UBE2E1: variants seen among roughly 807,000 people sequenced by gnomAD.
The protein encoded by UBE2E1 is ubiquitin conjugating enzyme E2 E1, also known as ubiquitin-conjugating enzyme E2 E1.
A neutral mutation model predicts 21.4 loss-of-function variants in UBE2E1; 6 were observed. The observed-to-expected ratio is 0.28, with a 90% CI of 0.15 to 0.55. UBE2E1 has a LOEUF of 0.55. UBE2E1 is among the 20% of genes least tolerant of loss of function. The pLI is 0.93. For synonymous variants in UBE2E1, 87 were observed against 82.7 expected (o/e 1.05, Z -0.28); for missense variants, 142 against 236.5 (o/e 0.60, Z 2.62).
intron 3 of UBE2E1, among the ~76,000 whole-genome samples, chr3:23,815,030 C>T (rs1234666281): frequency 6.6e-6 from 1 of 152,128 alleles, no homozygotes; most frequent in Non-Finnish European, 1.5e-5. Flanking sequence ...CATTTTGTCA[C>T]CCAGGCTGGA....
intron 3 of UBE2E1, among the ~76,000 whole-genome samples, chr3:23,835,656 C>T (rs1699961521): frequency 6.6e-6 from 1 of 152,054 alleles, no homozygotes; most frequent in African/African-American, 2.4e-5. Flanking sequence ...TGGTAATTTC[C>T]AGGCTTTTAT....
At chr3:23,884,930 T>C (rs1028147325) in intron 3 of UBE2E1, among the ~76,000 whole-genome samples, 3 of 152,234 alleles carry the variant, frequency 2.0e-5, no homozygotes, top group Admixed American at 6.5e-5. Context: ...TATTTTCATA[T>C]ATAGTCCACT....
At chr3:23,847,140 G>A (rs527732142) in intron 3 of UBE2E1, among the ~76,000 whole-genome samples, 24 of 152,232 alleles carry the variant, frequency 1.6e-4, no homozygotes, top group African/African-American at 5.3e-4. Context: ...TCAGTAGGGC[G>A]ATCATATAAT....
intron 3 of UBE2E1, among the ~76,000 whole-genome samples, chr3:23,883,615 T>C (rs1218600193): frequency 6.6e-6 from 1 of 152,146 alleles, no homozygotes; most frequent in Non-Finnish European, 1.5e-5. Context: ...TTTAAGTGAC[T>C]ATCTAAAACT....
At chr3:23,846,407 G>A (rs4858548) in intron 3 of UBE2E1, among the ~76,000 whole-genome samples, 120,236 of 151,912 alleles carry the variant, frequency 0.79, 48,404 homozygotes, top group African/African-American at 0.92. Context: ...TCTTAAAAAA[G>A]AGAATGGGGC....
chr3:23,807,465 C>T (rs373140735), intron 2 of UBE2E1, 44 bp downstream of exon 2: 2 of 1,590,114 alleles, frequency 1.3e-6, no homozygotes, highest in South Asian at 2.3e-5. Context: ...TATTTCCGAA[C>T]TGCCTCTTGC....
At chr3:23,871,721 T>G (rs1313620417) in intron 3 of UBE2E1, among the ~76,000 whole-genome samples, 1 of 149,900 alleles carries the variant, frequency 6.7e-6, no homozygotes, top group Non-Finnish European at 1.5e-5. Flanking sequence ...GAGGTGCTCC[T>G]CACATCCCAG....
At position 23,826,658 on chromosome 3, in the gene UBE2E1, G is replaced by T. The variant is rs547807584; in HGVS notation, c.203+15148G>T. Reference sequence around the variant, plus strand: ...AGCCCCAAATCTGTGATATGACTATGGAGGGAGAATGCTTTCCAATTTTCT... The same window carrying T: ...AGCCCCAAATCTGTGATATGACTATTGAGGGAGAATGCTTTCCAATTTTCT... On this transcript the variant is annotated intron_variant, in intron 3 of 5. Coordinates refer to ENST00000306627, the MANE Select transcript of UBE2E1 (RefSeq NM_003341.5). Among the ~76,000 whole-genome samples the T allele has an allele frequency of 5.4e-4, 82 of 152,294 alleles. No individual in the cohort carries two copies. The South Asian group carries it at 0.017, about 31-fold the overall frequency.
At chr3:23,809,822 A>T (rs1699347353) in intron 2 of UBE2E1, among the ~76,000 whole-genome samples, 1 of 152,214 alleles carries the variant, frequency 6.6e-6, no homozygotes, top group African/African-American at 2.4e-5. Context: ...TCAGGAAACC[A>T]ATTTTCCAAA....
Position 23,870,889 on chromosome 3 carries a change from A to C in UBE2E1, c.204-16678A>C, listed in dbSNP as rs1700770313. Among the ~76,000 whole-genome samples the C allele has an allele frequency of 2.0e-5, 3 of 152,214 alleles. No individual in the cohort carries two copies. In the South Asian group the frequency reaches 6.2e-4, roughly 32 times the overall value. ...GGAGTGGTGATGATTCTTAACGAGC[A>C]TGCTGCCTTCAAGCATCTGTTTAAC... On this transcript the variant is annotated intron_variant, in intron 3 of 5. Coordinates refer to ENST00000306627, the MANE Select transcript of UBE2E1 (RefSeq NM_003341.5). This position sits in a 1 kb window ranked among gnomAD's most constrained non-coding sequence, Gnocchi z 4.2.
intron 3 of UBE2E1, among the ~76,000 whole-genome samples, chr3:23,868,000 A>G (rs747544524): frequency 4.6e-5 from 7 of 152,206 alleles, no homozygotes; most frequent in African/African-American, 1.4e-4. Context: ...AATATTTCCT[A>G]TGAATGAGTG....
intron 3 of UBE2E1, among the ~76,000 whole-genome samples, chr3:23,832,423 TC>T (rs1699886725): frequency 6.6e-6 from 1 of 152,152 alleles, no homozygotes; most frequent in East Asian, 1.9e-4. Context: ...GGTGGGCAGA[TC>T]ACCTGAGCTC....
intron 3 of UBE2E1, chr3:23,879,156 T>A: frequency 1.5e-6 from 1 of 686,660 alleles, no homozygotes; most frequent in South Asian, 1.4e-5. Context: ...AGTTATTTTA[T>A]GAAGTTAAGT....
At chr3:23,817,723 A>G (rs1426304786) in intron 3 of UBE2E1, among the ~76,000 whole-genome samples, 1 of 152,166 alleles carries the variant, frequency 6.6e-6, no homozygotes, top group Non-Finnish European at 1.5e-5. Context: ...GTGTAAGCCA[A>G]GACAGCAGAG....
Position 23,810,045 on chromosome 3 carries a change from A to G in UBE2E1, c.153-1415A>G, listed in dbSNP as rs1699351106. On this transcript the variant is annotated intron_variant, in intron 2 of 5. Transcript: ENST00000306627. This position sits in a 1 kb window ranked among gnomAD's most constrained non-coding sequence, Gnocchi z 5.8. The stretch of plus-strand genomic sequence containing the variant: ...ACCTCCCCCAGTCGTCGTCCTTAAA[A>G]CCTGTTCCTCATTACATATAGCTCG... 6.6e-6 allele frequency among the ~76,000 whole-genome samples: 1 copy of G among 152,094 alleles called. No homozygotes were observed. The highest frequency in any genetic ancestry group is 2.4e-5 in the African/African-American group (1 of 41,396).
In UBE2E1 at chr3:23,853,513, C is replaced by T. The variant is rs1021328949; in HGVS notation, c.204-34054C>T. Among the ~76,000 whole-genome samples the T allele has an allele frequency of 5.3e-5, 8 of 152,008 alleles. No homozygotes were observed. The highest frequency in any genetic ancestry group is 1.9e-4 in the African/African-American group (8 of 41,394). On this transcript the variant is annotated intron_variant, in intron 3 of 5. Coordinates refer to ENST00000306627, the MANE Select transcript of UBE2E1 (RefSeq NM_003341.5). This position sits in a 1 kb window ranked among gnomAD's most constrained non-coding sequence, Gnocchi z 4.1. ...TTGTCTCCTCAGAAATCTGCCTACC[C>T]AAAGATTACAAAGATTTTTCTTCTG...
chr3:23,879,023 C>T (rs1700978445), intron 3 of UBE2E1: 1 of 497,574 alleles, frequency 2.0e-6, no homozygotes, highest in Non-Finnish European at 4.1e-6. Context: ...GCTGCAAATG[C>T]CAAGGACTTG....
At chr3:23,841,953 G>A (rs1216838047) in intron 3 of UBE2E1, among the ~76,000 whole-genome samples, 1 of 152,176 alleles carries the variant, frequency 6.6e-6, no homozygotes, top group African/African-American at 2.4e-5. Flanking sequence ...GTGGCTGACT[G>A]CTGTTAGAGG....
intron 3 of UBE2E1, among the ~76,000 whole-genome samples, chr3:23,872,890 GC>G (rs1311870663): frequency 6.6e-6 from 1 of 151,994 alleles, no homozygotes; most frequent in Non-Finnish European, 1.5e-5. Context: ...GGTGGCGCAT[GC>G]CTGTAGTCCC....
Sources: allele counts gnomAD v4.1 joint callset (sites outside exome capture counted in the v4.1 genomes callset), GRCh38; gene constraint gnomAD v4.1.1; non-coding constraint Gnocchi (gnomAD v3.1); transcripts MANE v1.5; gene names NCBI Gene and HGNC (gene_info 2026-07-23, HGNC 2026-07-21).